IQGAP1: variants seen among roughly 807,000 people sequenced by gnomAD.
IQGAP1 encodes ras GTPase-activating-like protein IQGAP1.
In IQGAP1, 66 loss-of-function variants were observed where a neutral mutation model predicts 215.6. The observed-to-expected ratio is 0.31, with a 90% CI of 0.25 to 0.38. IQGAP1 has a LOEUF of 0.38. Ranked by LOEUF, IQGAP1 falls within the 10% of genes least tolerant of loss-of-function variation. The pLI, the probability that IQGAP1 is intolerant of heterozygous loss-of-function variation, is 1.00. For missense variants in IQGAP1, 1,712 were observed against 1,997.1 expected, an observed-to-expected ratio of 0.86 and a Z score of 2.72; for synonymous variants, 772 against 728.7, an observed-to-expected ratio of 1.06 and a Z score of -0.96.
chr15:90,433,230 G>GT (rs1230685514), intron 4 of IQGAP1, among the ~76,000 whole-genome samples: 4 of 152,054 alleles, frequency 2.6e-5, no homozygotes, highest in Non-Finnish European at 4.4e-5. Context: ...ATATTTTATA[G>GT]TTTTTTTCAA....
chr15:90,484,586 G>A (rs1011405197), intron 30 of IQGAP1, among the ~76,000 whole-genome samples: 6 of 152,050 alleles, frequency 3.9e-5, no homozygotes, highest in Non-Finnish European at 5.9e-5. Flanking sequence ...TCGGCTCACT[G>A]CAAGCTCCAC....
At position 90,478,032 on chromosome 15, in the gene IQGAP1, T is replaced by C; in HGVS notation, c.3329+143T>C. ...TTTAGACAGAGTTTCACTCTTGTCG[T>C]CCAGGCTGGAGTACAGTGGCATAAT... On this transcript the variant is annotated intron_variant, in intron 26 of 37. Transcript: ENST00000268182. 4 of 650,564 alleles carry C rather than the reference T, an allele frequency of 6.1e-6. 1 individual carries two copies. The South Asian group carries it at 8.1e-5, about 13-fold the overall frequency. The allele number at this position is 650,564 out of a possible 1,614,324, so 40.3% of individuals were successfully genotyped here.
intron 5 of IQGAP1, among the ~76,000 whole-genome samples, chr15:90,436,366 T>C (rs1453149278): frequency 6.6e-6 from 1 of 152,176 alleles, no homozygotes; most frequent in African/African-American, 2.4e-5. Context: ...TTCTAATATC[T>C]GAGAAATTCA....
Position 90,492,418 on chromosome 15 carries a change from CTAAAAAAAAAAAAAA to C in IQGAP1, c.4462-126_4462-112del. 5 of 491,088 alleles carry C rather than the reference CTAAAAAAAAAAAAAA, an allele frequency of 1.0e-5. 1 individual carries two copies. Among genetic ancestry groups the C allele is most frequent in the Non-Finnish European group, 1.5e-5 (5 of 322,970 alleles). 30.4% of individuals were successfully genotyped at this position (491,088 alleles called of 1,614,324 possible). ...CACTCGAGCCTGGGCAACAGAGTGTCTAAAAAAAAAAAAAAAAAAAAAAGTAGGTAGTCATATTTA... is the reference window on the plus strand; with the variant it reads ...CACTCGAGCCTGGGCAACAGAGTGTCAAAAAAAAGTAGGTAGTCATATTTA... On this transcript the variant is annotated intron_variant, in intron 34 of 37. Coordinates refer to ENST00000268182, the MANE Select transcript of IQGAP1 (RefSeq NM_003870.4).
At chr15:90,482,657 T>C (rs911806612) in intron 28 of IQGAP1, 43 of 784,560 alleles carry the variant, frequency 5.5e-5, no homozygotes, top group South Asian at 2.1e-4. Flanking sequence ...CTCTTCTCTT[T>C]TCTTTTTTTT....
chr15:90,497,006 A>G, intron 36 of IQGAP1: 1 of 385,484 alleles, frequency 2.6e-6, no homozygotes, highest in South Asian at 4.4e-5. Flanking sequence ...ATAGGATGTA[A>G]GTGCTGCAGG....
chr15:90,484,726 G>C (rs938385903), intron 30 of IQGAP1, among the ~76,000 whole-genome samples: 1 of 152,074 alleles, frequency 6.6e-6, no homozygotes, highest in Non-Finnish European at 1.5e-5. Flanking sequence ...AGCCAGCATG[G>C]TGTCGATATC....
At chr15:90,404,473 A>C (rs1964849175) in intron 2 of IQGAP1, among the ~76,000 whole-genome samples, 1 of 152,120 alleles carries the variant, frequency 6.6e-6, no homozygotes, top group Non-Finnish European at 1.5e-5. Flanking sequence ...TTTCGGTAGA[A>C]TCCTTTGCTC....
At chr15:90,450,902 C>T (rs1965595898) in intron 11 of IQGAP1, among the ~76,000 whole-genome samples, 1 of 146,854 alleles carries the variant, frequency 6.8e-6, no homozygotes, top group Admixed American at 6.9e-5. Flanking sequence ...AATGTTTTCT[C>T]CTGTTCTATA....
At position 90,482,178 on chromosome 15, in the gene IQGAP1, A is replaced by C. The variant is rs745748585; in HGVS notation, c.3471-19A>C. ...TTCTGCTCCTTGGCCCTTCTCACTAAGTTTTGTCCATCCCGCAGTTATGGG... is the reference window on the plus strand; with the variant it reads ...TTCTGCTCCTTGGCCCTTCTCACTACGTTTTGTCCATCCCGCAGTTATGGG... On this transcript the variant is annotated intron_variant, in intron 27 of 37. Transcript: ENST00000268182. 3.7e-6 allele frequency: 6 copies of C among 1,614,036 alleles called. No homozygotes were observed. The highest frequency in any genetic ancestry group is 5.1e-6 in the Non-Finnish European group (6 of 1,180,010).
intron 2 of IQGAP1, among the ~76,000 whole-genome samples, chr15:90,405,808 TTTTC>T (rs1432519598): frequency 6.6e-5 from 10 of 152,044 alleles, no homozygotes; most frequent in African/African-American, 2.2e-4. Context: ...AGGGACTATT[TTTTC>T]TTTCTTTTAC....
At chr15:90,424,700 G>A (rs1233285158) in intron 2 of IQGAP1, among the ~76,000 whole-genome samples, 1 of 152,062 alleles carries the variant, frequency 6.6e-6, no homozygotes, top group Non-Finnish European at 1.5e-5. Flanking sequence ...TTAGCCAGGT[G>A]TGGTGGCACA....
chr15:90,464,546 A>G (rs1298216213), intron 15 of IQGAP1, among the ~76,000 whole-genome samples: 3 of 152,124 alleles, frequency 2.0e-5, no homozygotes, highest in African/African-American at 7.2e-5. Context: ...TGGCAGCCAC[A>G]TTCTTGAAAA....
intron 2 of IQGAP1, among the ~76,000 whole-genome samples, chr15:90,403,925 T>G (rs1284940330): frequency 1.3e-5 from 2 of 152,250 alleles, no homozygotes; most frequent in Admixed American, 1.3e-4. Flanking sequence ...TCTGCCCGCC[T>G]TGGCCTCCCT....
At chr15:90,422,556 A>G (rs978603278) in intron 2 of IQGAP1, among the ~76,000 whole-genome samples, 2 of 149,220 alleles carry the variant, frequency 1.3e-5, no homozygotes, top group African/African-American at 2.5e-5. Context: ...CAGAAACTAT[A>G]TAATAACATG....
At chr15:90,471,230 G>A (rs1329806119) in intron 18 of IQGAP1, among the ~76,000 whole-genome samples, 2 of 152,100 alleles carry the variant, frequency 1.3e-5, no homozygotes, top group African/African-American at 4.8e-5. Flanking sequence ...GGGAAAATGT[G>A]GCTTCATGGT....
Position 90,433,720 on chromosome 15 carries a change from T to A in IQGAP1, c.392T>A (p.Ile131Asn). 1 of 1,581,080 alleles carries A rather than the reference T, an allele frequency of 6.3e-7. No individual in the cohort carries two copies. Among genetic ancestry groups the A allele is most frequent in the Non-Finnish European group, 8.7e-7 (1 of 1,153,026 alleles). Reference protein sequence around the residue: ...NAMDEIGLPKIFYPETTDIYD... With the variant: ...NAMDEIGLPKNFYPETTDIYD... ...TCTGTTTCTTTTATTTCTCCCTAGA[T>A]TTTTTACCCAGAAACTACAGATATC... The change falls in exon 5 of 38, where the codon ATT becomes AAT. Residue 131 changes from isoleucine (I) to asparagine (N), a missense_variant and splice_region_variant. By Grantham distance (149) the Ile-to-Asn change is moderately radical. Transcript: ENST00000268182.
intron 2 of IQGAP1, among the ~76,000 whole-genome samples, chr15:90,425,245 G>A (rs943784913): frequency 6.6e-6 from 1 of 152,224 alleles, no homozygotes; most frequent in South Asian, 2.1e-4. Context: ...GGGAGGCGGA[G>A]GTTGCAGTGA....
chr15:90,495,548 T>C (rs992136170), intron 36 of IQGAP1, among the ~76,000 whole-genome samples: 11 of 151,960 alleles, frequency 7.2e-5, no homozygotes, highest in African/African-American at 2.7e-4. Flanking sequence ...TATTTTTTTC[T>C]ATTCACATAA....
Sources: gnomAD v4.1 joint callset for allele counts (sites outside exome capture counted in the v4.1 genomes callset) on GRCh38, gnomAD v4.1.1 for gene constraint, MANE v1.5 for transcripts, NCBI Gene and HGNC (gene_info 2026-07-23, HGNC 2026-07-21) for gene names.